Variants in KHDC1 observed in about 807,000 individuals in gnomAD.
The protein encoded by KHDC1 is KH domain containing 1, also known as KH homology domain-containing protein 1.
In KHDC1, 21 loss-of-function variants were observed where a neutral mutation model predicts 24.7. The ratio of observed to expected loss-of-function variants is 0.85; its 90% CI spans 0.60 to 1.23. The LOEUF is 1.23. KHDC1 is among the 50% of genes most tolerant of loss of function. KHDC1 has a pLI of 0.00. For synonymous variants in KHDC1, 98 were observed against 111.7 expected (o/e 0.88, Z 0.77); for missense variants, 274 against 298.5 (o/e 0.92, Z 0.61).
chr6:73,262,774 C>T (rs1767003915), intron 2 of KHDC1: 1 of 985,324 alleles, frequency 1.0e-6, no homozygotes, highest in Admixed American at 6.2e-5. Context: ...GAAGACCCAC[C>T]AGATAGGATG....
intron 2 of KHDC1, among the ~76,000 whole-genome samples, chr6:73,283,900 A>G (rs1257655956): frequency 6.6e-6 from 1 of 151,862 alleles, no homozygotes; most frequent in Non-Finnish European, 1.5e-5. Flanking sequence ...TGATAACTGC[A>G]GTATTTTCCC....
At chr6:73,303,471 T>A (rs1379842857) in intron 1 of KHDC1, among the ~76,000 whole-genome samples, 1 of 152,184 alleles carries the variant, frequency 6.6e-6, no homozygotes, top group Admixed American at 6.5e-5. Flanking sequence ...AAGTATCTCC[T>A]CCACAATATT....
intron 2 of KHDC1, chr6:73,290,377 A>G: frequency 6.9e-6 from 2 of 289,078 alleles, no homozygotes; most frequent in South Asian, 7.6e-5. Flanking sequence ...ACTTAAAGGG[A>G]AACTTTCACA....
At chr6:73,250,910 G>T (rs939297374) in intron 2 of KHDC1, among the ~76,000 whole-genome samples, 3 of 152,156 alleles carry the variant, frequency 2.0e-5, no homozygotes, top group Admixed American at 6.5e-5. Flanking sequence ...TGCAATCTTG[G>T]CTCACTGCAA....
At chr6:73,250,449 T>C (rs1766758521) in intron 2 of KHDC1, among the ~76,000 whole-genome samples, 1 of 152,220 alleles carries the variant, frequency 6.6e-6, no homozygotes, top group Non-Finnish European at 1.5e-5. Flanking sequence ...CAGGATATGA[T>C]TTTGGAAATA....
intron 1 of KHDC1, chr6:73,292,743 T>C: frequency 1.4e-6 from 1 of 734,792 alleles, no homozygotes; most frequent in South Asian, 1.4e-5. Flanking sequence ...AACAAGGATG[T>C]TCGAAAACGT....
chr6:73,241,588 G>C, exon 5 of KHDC1: 1 of 1,614,166 alleles, frequency 6.2e-7, no homozygotes, highest in Non-Finnish European at 8.5e-7. Context: ...TAAGGGGAAG[G>C]CTGAGGAACG....
At chr6:73,244,712 C>T (rs1018941865) in intron 2 of KHDC1, among the ~76,000 whole-genome samples, 1 of 145,516 alleles carries the variant, frequency 6.9e-6, no homozygotes, top group Non-Finnish European at 1.5e-5. Context: ...CGGGGGGGGG[C>T]TCCGTAAGCC....
chr6:73,291,672 A>G (rs982732571), intron 2 of KHDC1, among the ~76,000 whole-genome samples: 4 of 152,058 alleles, frequency 2.6e-5, no homozygotes, highest in Non-Finnish European at 5.9e-5. Flanking sequence ...TATGGTTGCT[A>G]AAGGGTCCCA....
intron 2 of KHDC1, among the ~76,000 whole-genome samples, chr6:73,254,467 A>AAT (rs1305218064): frequency 3.5e-4 from 49 of 140,602 alleles, no homozygotes; most frequent in African/African-American, 1.3e-3. Flanking sequence ...TCTTAAAATA[A>AAT]AAATAAATAA....
intron 2 of KHDC1, among the ~76,000 whole-genome samples, chr6:73,273,689 G>A (rs62438234): frequency 0.091 from 13,828 of 151,888 alleles, 669 homozygotes; most frequent in Non-Finnish European, 0.1. Flanking sequence ...GGTGGCAGGC[G>A]CCTGTAGTCC....
intron 2 of KHDC1, among the ~76,000 whole-genome samples, chr6:73,264,859 C>T (rs1222762239): frequency 6.6e-6 from 1 of 152,158 alleles, no homozygotes; most frequent in Admixed American, 6.5e-5. Context: ...CCAGTGATAC[C>T]TGGACTCTTG....
intron 2 of KHDC1, chr6:73,269,869 G>GT (rs1178817079): frequency 3.9e-5 from 6 of 152,168 alleles, no homozygotes; most frequent in African/African-American, 1.4e-4. Flanking sequence ...CTGGACTCCA[G>GT]TTATCTTCCC....
chr6:73,286,488 C>G (rs753665908), intron 2 of KHDC1, among the ~76,000 whole-genome samples: 4 of 152,136 alleles, frequency 2.6e-5, no homozygotes, highest in Non-Finnish European at 5.9e-5. Flanking sequence ...TTTCATTGAT[C>G]AACTAAGCAC....
At chr6:73,300,348 G>A (rs1767851743) in intron 1 of KHDC1, 1 of 151,890 alleles carries the variant, frequency 6.6e-6, no homozygotes, top group Admixed American at 6.6e-5. Context: ...ACCACCTTCT[G>A]GTCTGTTAAT....
Position 73,242,251 on chromosome 6 carries a change from A to C in KHDC1, c.332-14T>G, listed in dbSNP as rs770382175. On this transcript the variant is annotated splice_polypyrimidine_tract_variant and intron_variant, in intron 3 of 4. Coordinates refer to ENST00000370384, the Ensembl canonical transcript of KHDC1. Reference sequence around the variant, plus strand: ...TGTCACCATGCCCTGTGAGCATAAGAGGTGAGAGGAGGTTCTGTCAAGCAC... The same window carrying C: ...TGTCACCATGCCCTGTGAGCATAAGCGGTGAGAGGAGGTTCTGTCAAGCAC... 7.5e-6 allele frequency: 12 copies of C among 1,610,084 alleles called. No individual in the cohort carries two copies. In the South Asian group the frequency reaches 1.2e-4, roughly 16 times the overall value.
intron 2 of KHDC1, among the ~76,000 whole-genome samples, chr6:73,278,035 T>C (rs905053616): frequency 9.2e-5 from 12 of 130,782 alleles, no homozygotes; most frequent in Admixed American, 8.2e-5. Context: ...TTTTTTGAAA[T>C]GGAGTCTTGC....
At chr6:73,248,532 C>A (rs1267422431) in intron 2 of KHDC1, among the ~76,000 whole-genome samples, 2 of 152,132 alleles carry the variant, frequency 1.3e-5, no homozygotes, top group African/African-American at 2.4e-5. Context: ...AGAAAGATTT[C>A]TTTTTGCCCA....
At chr6:73,255,101 T>C (rs933794920) in intron 2 of KHDC1, among the ~76,000 whole-genome samples, 1 of 152,020 alleles carries the variant, frequency 6.6e-6, no homozygotes, top group East Asian at 1.9e-4. Context: ...AAAGGCACTT[T>C]TTGAATTTTG....
Sources: gnomAD v4.1 joint callset for allele counts (sites outside exome capture counted in the v4.1 genomes callset) on GRCh38, gnomAD v4.1.1 for gene constraint, MANE v1.5 for transcripts, NCBI Gene and HGNC (gene_info 2026-07-23, HGNC 2026-07-21) for gene names.